The following PLOD2 variants were observed in gnomAD, a reference collection of about 807,000 sequenced individuals.
PLOD2 encodes procollagen-lysine,2-oxoglutarate 5-dioxygenase 2, also known as lysine hydroxylase 2.
PLOD2 carries 65 observed loss-of-function variants against 101.0 expected under a neutral mutation model. The ratio of observed to expected loss-of-function variants is 0.64; its 90% CI spans 0.53 to 0.79. PLOD2 has a LOEUF of 0.79. PLOD2 is among the 30% of genes least tolerant of loss of function. The probability of loss-of-function intolerance (pLI) is 0.00; values close to 1 mark genes in which losing one functional copy is unlikely to be tolerated. For missense variants in PLOD2, 909 were observed against 914.6 expected, an observed-to-expected ratio of 0.99 and a Z score of 0.08; for synonymous variants, 314 against 302.9, an observed-to-expected ratio of 1.04 and a Z score of -0.38.
At chr3:146,079,093 C>T (rs1331310981) in intron 13 of PLOD2, 23 bp downstream of exon 13, 2 of 1,609,712 alleles carry the variant, frequency 1.2e-6, no homozygotes, top group East Asian at 2.2e-5. Flanking sequence ...AACATTCAAG[C>T]AAGCCATCAC....
At chr3:146,109,033 G>A (rs1473795668) in intron 4 of PLOD2, among the ~76,000 whole-genome samples, 1 of 152,158 alleles carries the variant, frequency 6.6e-6, no homozygotes, top group Non-Finnish European at 1.5e-5. Flanking sequence ...CTCAAGCAGA[G>A]AAGTGATGGT....
chr3:146,124,333 T>C lies in PLOD2; in HGVS notation c.110-104A>G, dbSNP rs530302059. On this transcript the variant is annotated intron_variant, in intron 1 of 19. Transcript: ENST00000282903. The stretch of plus-strand genomic sequence containing the variant: ...AGACCTCACTAAACCCGTGGGAATA[T>C]TCTGGTTTACTTATCTACACAAGAC... 3.2e-5 allele frequency: 22 copies of C among 693,322 alleles called. 1 individual carries two copies. In the South Asian group the frequency reaches 3.5e-4, roughly 11 times the overall value. The allele number at this position is 693,322 out of a possible 1,614,324, so 42.9% of individuals were successfully genotyped here. A position where few individuals can be genotyped will look rare whatever the true frequency, so the allele number is the denominator to read the frequency against.
At chr3:146,083,621 G>A (rs1341947025) in intron 11 of PLOD2, among the ~76,000 whole-genome samples, 19 of 133,656 alleles carry the variant, frequency 1.4e-4, no homozygotes, top group Non-Finnish European at 1.8e-4. Flanking sequence ...TCGCTGTGTC[G>A]CCCAGGCTAG....
intron 11 of PLOD2, among the ~76,000 whole-genome samples, chr3:146,083,037 T>C (rs572095819): frequency 1.3e-4 from 20 of 152,322 alleles, no homozygotes; most frequent in African/African-American, 4.8e-4. Flanking sequence ...AATAATAACA[T>C]GAATTAGAAT....
chr3:146,143,981 A>C (rs1034236987), intron 1 of PLOD2, among the ~76,000 whole-genome samples: 1 of 151,996 alleles, frequency 6.6e-6, no homozygotes, highest in Non-Finnish European at 1.5e-5. Flanking sequence ...CTCTGCAGAC[A>C]CATCAAACAC....
intron 1 of PLOD2, among the ~76,000 whole-genome samples, chr3:146,154,239 A>G (rs2032196891): frequency 6.6e-6 from 1 of 152,206 alleles, no homozygotes; most frequent in Non-Finnish European, 1.5e-5. Context: ...TATTTACAGT[A>G]ATAATCATGT....
At chr3:146,133,745 A>G (rs968781559) in intron 1 of PLOD2, among the ~76,000 whole-genome samples, 1 of 152,158 alleles carries the variant, frequency 6.6e-6, no homozygotes, top group Non-Finnish European at 1.5e-5. Context: ...CAGGGCGGGG[A>G]GGAGGTTCAA....
intron 1 of PLOD2, among the ~76,000 whole-genome samples, chr3:146,142,800 G>C (rs767452035): frequency 3.3e-5 from 5 of 152,114 alleles, no homozygotes; most frequent in African/African-American, 1.2e-4. Flanking sequence ...AAGATTATAA[G>C]AAAGGGGCAT....
chr3:146,102,500 AGTT>A (rs753549006), intron 7 of PLOD2, among the ~76,000 whole-genome samples: 25 of 152,338 alleles, frequency 1.6e-4, no homozygotes, highest in Middle Eastern at 6.8e-3. Context: ...CTCCCAAGTT[AGTT>A]GTTATTATTT....
intron 1 of PLOD2, among the ~76,000 whole-genome samples, chr3:146,131,729 CTTGG>C: frequency 6.6e-6 from 1 of 152,244 alleles, no homozygotes; most frequent in Non-Finnish European, 1.5e-5. Context: ...TACTAAAAAA[CTTGG>C]TTTTCCTAGG....
intron 1 of PLOD2, among the ~76,000 whole-genome samples, chr3:146,153,460 G>A (rs988270317): frequency 3.9e-5 from 6 of 152,022 alleles, no homozygotes; most frequent in South Asian, 2.1e-4. Context: ...TAAGTATTTC[G>A]CACCTGAAAG....
intron 1 of PLOD2, among the ~76,000 whole-genome samples, chr3:146,148,458 A>C (rs2031900926): frequency 6.6e-6 from 1 of 152,068 alleles, no homozygotes; most frequent in South Asian, 2.1e-4. Flanking sequence ...AAATCAGAGG[A>C]ATGAGAAAAA....
intron 3 of PLOD2, among the ~76,000 whole-genome samples, chr3:146,119,777 AT>A (rs2029927258): frequency 6.6e-6 from 1 of 152,142 alleles, no homozygotes; most frequent in Non-Finnish European, 1.5e-5. Context: ...TGAACTCATC[AT>A]TTTTTATGGC....
intron 7 of PLOD2, among the ~76,000 whole-genome samples, chr3:146,097,855 T>C (rs1388925644): frequency 2.7e-5 from 4 of 150,840 alleles, no homozygotes; most frequent in African/African-American, 9.8e-5. Context: ...ATATACACCA[T>C]GAAATACTAT....
intron 2 of PLOD2, among the ~76,000 whole-genome samples, chr3:146,123,507 A>AAAACAAAC (rs10663012): frequency 6.6e-6 from 1 of 150,780 alleles, no homozygotes; most frequent in Non-Finnish European, 1.5e-5. Context: ...CCTCTAAATG[A>AAAACAAAC]AAACAAACAA....
rs1052637930 is a variant in PLOD2 at position 146,124,145 on chromosome 3, G to A, written c.194C>T (p.Thr65Ile). Reference sequence around the variant, plus strand: ...TTAAAGGATATACCATACCTTCACAGTATAATTGAAATATTTGGCTGACTG... The same window carrying A: ...TTAAAGGATATACCATACCTTCACAATATAATTGAAATATTTGGCTGACTG... ...FMQSAKYFNY[T>I]VKVLGQGEEW... The change falls in exon 2 of 20, where the codon ACT (threonine) becomes ATT (isoleucine). Residue 65 changes from threonine (T) to isoleucine (I), a missense_variant. Coordinates refer to ENST00000282903, the MANE Select transcript of PLOD2 (RefSeq NM_182943.3). The A allele has an allele frequency of 1.3e-6, 2 of 1,530,692 alleles. No homozygotes were observed. The highest frequency in any genetic ancestry group is 2.3e-5 in the East Asian group (1 of 44,398). The allele number at this position is 1,530,692 out of a possible 1,614,324, so 94.8% of individuals were successfully genotyped here. A position where few individuals can be genotyped will look rare whatever the true frequency, so the allele number is the denominator to read the frequency against.
chr3:146,104,729 G>A (rs1937507909), intron 5 of PLOD2, among the ~76,000 whole-genome samples: 1 of 152,026 alleles, frequency 6.6e-6, no homozygotes, highest in Non-Finnish European at 1.5e-5. Context: ...TCAATTTCAG[G>A]AATATTCTCT....
At chr3:146,132,055 G>A (rs1320149335) in intron 1 of PLOD2, among the ~76,000 whole-genome samples, 1 of 152,158 alleles carries the variant, frequency 6.6e-6, no homozygotes, top group Non-Finnish European at 1.5e-5. Flanking sequence ...ATGCTACATA[G>A]AGGGCATCTT....
At chr3:146,141,933 T>C (rs1358672448) in intron 1 of PLOD2, among the ~76,000 whole-genome samples, 1 of 152,102 alleles carries the variant, frequency 6.6e-6, no homozygotes, top group Non-Finnish European at 1.5e-5. Flanking sequence ...GAATTCGCCC[T>C]AAAACTGAGG....
Sources: gnomAD v4.1 joint callset for allele counts (sites outside exome capture counted in the v4.1 genomes callset) on GRCh38, gnomAD v4.1.1 for gene constraint, MANE v1.5 for transcripts, NCBI Gene and HGNC (gene_info 2026-07-23, HGNC 2026-07-21) for gene names.